SIMC1: variants seen among roughly 807,000 people sequenced by gnomAD.
SIMC1 encodes SUMO interacting motifs containing 1.
A neutral mutation model predicts 82.3 loss-of-function variants in SIMC1; 55 were observed. The observed-to-expected ratio is 0.67, with a 90% CI of 0.54 to 0.84. The LOEUF is 0.84. SIMC1 is among the 40% of genes least tolerant of loss of function. The probability of loss-of-function intolerance (pLI) is 0.00; values close to 1 mark genes in which losing one functional copy is unlikely to be tolerated. For synonymous variants in SIMC1, 353 were observed against 426.3 expected, an observed-to-expected ratio of 0.83 and a Z score of 2.12; for missense variants, 915 against 1,107.2, an observed-to-expected ratio of 0.83 and a Z score of 2.46.
At chr5:176,341,798 G>A (rs1368584939) in intron 9 of SIMC1, among the ~76,000 whole-genome samples, 1 of 152,130 alleles carries the variant, frequency 6.6e-6, no homozygotes, top group Non-Finnish European at 1.5e-5. Context: ...ATTAACTCTT[G>A]TATTGATCCA....
chr5:176,329,396 G>T (rs1462325704), intron 7 of SIMC1, among the ~76,000 whole-genome samples: 1 of 151,888 alleles, frequency 6.6e-6, no homozygotes, highest in African/African-American at 2.4e-5. Flanking sequence ...GCGTGAACCC[G>T]GGAGGCGGAG....
intron 9 of SIMC1, among the ~76,000 whole-genome samples, chr5:176,339,726 T>C (rs1213961515): frequency 6.6e-6 from 1 of 152,232 alleles, no homozygotes; most frequent in Admixed American, 6.5e-5. Context: ...CCAGTATATA[T>C]TGACCAAGAA....
At chr5:176,306,996 C>T (rs1764451826) in intron 4 of SIMC1, among the ~76,000 whole-genome samples, 1 of 151,912 alleles carries the variant, frequency 6.6e-6, no homozygotes, top group African/African-American at 2.4e-5. Flanking sequence ...GGGCAGAGGA[C>T]TTATATAGAC....
intron 1 of SIMC1, among the ~76,000 whole-genome samples, chr5:176,245,265 C>T (rs200476862): frequency 3.0e-4 from 45 of 151,878 alleles, no homozygotes; most frequent in Admixed American, 1.1e-3. Context: ...AGGGGAAGAA[C>T]GCCATGTGAC....
intron 6 of SIMC1, chr5:176,322,783 G>A (rs1014853280): frequency 2.3e-5 from 4 of 174,378 alleles, no homozygotes; most frequent in Non-Finnish European, 2.4e-5. Context: ...GGAGTGGTGT[G>A]TAGTGTGAGT....
chr5:176,305,626 A>G, intron 4 of SIMC1, among the ~76,000 whole-genome samples: 2 of 127,606 alleles, frequency 1.6e-5, no homozygotes, highest in Admixed American at 7.7e-5. Context: ...CTGGGAGGTG[A>G]GGGGCGCCTC....
chr5:176,306,068 C>G (rs568475628), intron 4 of SIMC1, among the ~76,000 whole-genome samples: 1 of 67,182 alleles, frequency 1.5e-5, no homozygotes, highest in Non-Finnish European at 3.3e-5. Flanking sequence ...CCAGCCGCTC[C>G]GTCCGGGAGG....
At chr5:176,276,842 TATC>T (rs1269318409) in intron 1 of SIMC1, among the ~76,000 whole-genome samples, 8 of 147,142 alleles carry the variant, frequency 5.4e-5, no homozygotes, top group African/African-American at 2.0e-4. Flanking sequence ...TAATCCAGTC[TATC>T]ATTGTTGGAC....
intron 1 of SIMC1, chr5:176,263,432 T>A (rs990983977): frequency 3.2e-6 from 5 of 1,544,820 alleles, no homozygotes; most frequent in Admixed American, 4.0e-5. Context: ...ACAAGAAGCA[T>A]GGCACCAGCA....
Position 176,313,819 on chromosome 5 carries a change from C to G in SIMC1, c.1863C>G (p.Ser621=). 1 of 1,613,750 alleles carries G rather than the reference C, an allele frequency of 6.2e-7. No individual in the cohort carries two copies. The highest frequency in any genetic ancestry group is 8.5e-7 in the Non-Finnish European group (1 of 1,179,888). The stretch of plus-strand genomic sequence containing the variant: ...AATCCATTGCAAACATGGTGCTTTC[C>G]TGTGACAAGCAGCCCCACAATGTCA... ...LQQSIANMVL[S]CDKQPHNVRD... Residue 621 remains serine, a synonymous_variant, in exon 5 of 10, where the codon TCC becomes TCG. Coordinates refer to ENST00000429602, the MANE Select transcript of SIMC1 (RefSeq NM_001308195.2).
chr5:176,281,666 G>C (rs1413405795), intron 1 of SIMC1, among the ~76,000 whole-genome samples: 1 of 152,182 alleles, frequency 6.6e-6, no homozygotes, highest in African/African-American at 2.4e-5. Context: ...CTCAGCTGCA[G>C]GTCTGTTGGA....
rs150610273 is a variant in SIMC1 at position 176,274,583 on chromosome 5, G to C, written c.130-15071G>C. Among the ~76,000 whole-genome samples, 88 of 151,916 alleles carry C rather than the reference G, an allele frequency of 5.8e-4. 3 individuals carry two copies. In the East Asian group the frequency reaches 0.017, roughly 29 times the overall value. On this transcript the variant is annotated intron_variant, in intron 1 of 9. Transcript: ENST00000429602. ...TTTTAGATATGACGTCCTTGCCCTT[G>C]CCTATGTCCTGAATGGTAATGCCTA...
rs934486166 is a variant in SIMC1, at chr5:176,277,686, C to T, written c.130-11968C>T. 2.8e-4 allele frequency among the ~76,000 whole-genome samples: 43 copies of T among 152,036 alleles called. 1 individual carries two copies. The highest frequency in any genetic ancestry group is 4.7e-4 in the Non-Finnish European group (32 of 68,048). ...ACATATGGCTAGCCGGTTTTCCCAG[C>T]ACCATTTATTAACTAGGGAATCCTT... On this transcript the variant is annotated intron_variant, in intron 1 of 9. Transcript: ENST00000429602.
chr5:176,340,144 TATA>T (rs1236888480), intron 9 of SIMC1, among the ~76,000 whole-genome samples: 2 of 152,228 alleles, frequency 1.3e-5, no homozygotes, highest in Non-Finnish European at 2.9e-5. Context: ...CACTGGTTTA[TATA>T]ATCCAAAAAC....
chr5:176,317,420 T>G (rs1764963589), intron 5 of SIMC1, among the ~76,000 whole-genome samples: 1 of 152,198 alleles, frequency 6.6e-6, no homozygotes, highest in Non-Finnish European at 1.5e-5. Flanking sequence ...TTTAATTGAT[T>G]TTTTAAATAT....
intron 4 of SIMC1, among the ~76,000 whole-genome samples, chr5:176,305,018 C>T (rs1232772672): frequency 5.8e-4 from 81 of 140,178 alleles, no homozygotes; most frequent in South Asian, 2.1e-3. Flanking sequence ...AGTGAGGAGC[C>T]TCTCCGCCCG....
intron 1 of SIMC1, among the ~76,000 whole-genome samples, chr5:176,247,369 CT>C (rs1761486535): frequency 6.6e-6 from 1 of 152,112 alleles, no homozygotes; most frequent in Non-Finnish European, 1.5e-5. Context: ...TGATGATGAG[CT>C]TTTTTTCATA....
chr5:176,294,118 C>A (rs1308273861), intron 2 of SIMC1, among the ~76,000 whole-genome samples: 3 of 152,180 alleles, frequency 2.0e-5, no homozygotes, highest in Non-Finnish European at 4.4e-5. Flanking sequence ...TAGTTACCCT[C>A]ACCCCAAAAT....
chr5:176,242,606 G>A (rs1316793118), intron 1 of SIMC1, among the ~76,000 whole-genome samples: 2 of 151,830 alleles, frequency 1.3e-5, no homozygotes, highest in Non-Finnish European at 2.9e-5. Context: ...TCTCTTGTAA[G>A]TGGACCCATG....
Sources: allele counts gnomAD v4.1 joint callset (sites outside exome capture counted in the v4.1 genomes callset), GRCh38; gene constraint gnomAD v4.1.1; transcripts MANE v1.5; gene names NCBI Gene and HGNC (gene_info 2026-07-23, HGNC 2026-07-21).